Variants in ADGRL3 observed in about 807,000 individuals in gnomAD.
ADGRL3 encodes the protein calcium-independent alpha-latrotoxin receptor 3.
A neutral mutation model predicts 153.5 loss-of-function variants in ADGRL3; 62 were observed. The observed-to-expected ratio is 0.40, with a 90% CI of 0.33 to 0.50. The LOEUF (loss-of-function observed/expected upper bound fraction) is 0.50. Among genes scored for constraint, ADGRL3 ranks in the 20% least tolerant of loss-of-function variants. The probability of loss-of-function intolerance (pLI) is 0.47; values close to 1 mark genes in which losing one functional copy is unlikely to be tolerated. For missense variants in ADGRL3, 1,641 were observed against 1,859.4 expected (o/e 0.88, Z 2.16); for synonymous variants, 710 against 672.5 (o/e 1.06, Z -0.86).
At chr4:61,460,126 A>G (rs972048309) in intron 2 of ADGRL3, among the ~76,000 whole-genome samples, 3 of 151,916 alleles carry the variant, frequency 2.0e-5, no homozygotes, top group Non-Finnish European at 4.4e-5. Context: ...TGTATTTTTG[A>G]AGTCTTAGCC....
Position 61,587,233 on chromosome 4 carries a change from GC to G in ADGRL3, c.268del (p.Arg90ValfsTer20). 6.2e-7 allele frequency: 1 copy of G among 1,602,666 alleles called. No homozygotes were observed. The highest frequency in any genetic ancestry group is 8.5e-7 in the Non-Finnish European group (1 of 1,174,062). On this transcript the variant is annotated frameshift_variant, in exon 5 of 27. Coordinates refer to ENST00000683033, the MANE Select transcript of ADGRL3 (RefSeq NM_001387552.1). LOFTEE classifies it high-confidence loss of function. ...TTCCTCTTCCTTTTGGCAGCTTTCA[GC>G]CGTGCCCCAATTCCAATGGCTGTGG... Reference protein sequence around the residue: ...QGAQIAAQAFSRAPIPMAVVR... With the variant: ...QGAQIAAQAFXRAPIPMAVVR...
At chr4:61,488,621 G>A (rs535956470) in intron 2 of ADGRL3, among the ~76,000 whole-genome samples, 4 of 151,982 alleles carry the variant, frequency 2.6e-5, no homozygotes, top group East Asian at 3.9e-4. Flanking sequence ...TGTATCTTCC[G>A]TGCCCATCCT....
intron 5 of ADGRL3, among the ~76,000 whole-genome samples, chr4:61,594,031 G>A (rs1178095862): frequency 1.3e-5 from 2 of 151,980 alleles, no homozygotes; most frequent in South Asian, 4.2e-4. Flanking sequence ...TTTTCAAATA[G>A]ACTGCCTTCT....
intron 5 of ADGRL3, among the ~76,000 whole-genome samples, chr4:61,623,124 A>G (rs2092631599): frequency 6.6e-6 from 1 of 152,122 alleles, no homozygotes; most frequent in Non-Finnish European, 1.5e-5. Context: ...GCCTGGAATA[A>G]CACGTATACC....
intron 19 of ADGRL3, among the ~76,000 whole-genome samples, chr4:61,988,628 A>G (rs188589284): frequency 5.3e-5 from 8 of 152,302 alleles, no homozygotes; most frequent in Non-Finnish European, 1.0e-4. Context: ...TATTACCAAA[A>G]CATGCAAACT....
chr4:61,404,614 G>C (rs1458602276), intron 2 of ADGRL3, among the ~76,000 whole-genome samples: 1 of 151,998 alleles, frequency 6.6e-6, no homozygotes, highest in Non-Finnish European at 1.5e-5. Flanking sequence ...TGAGAAGTGA[G>C]AACACTCTTT....
At chr4:61,750,997 G>A (rs1322088978) in intron 8 of ADGRL3, among the ~76,000 whole-genome samples, 1 of 152,112 alleles carries the variant, frequency 6.6e-6, no homozygotes, top group Non-Finnish European at 1.5e-5. Flanking sequence ...TGAGCAGCAG[G>A]TGAGCGAGCA....
rs1469994311 is a variant in ADGRL3, at chr4:62,077,393, G to A, written c.*6485G>A. On this transcript the variant is annotated 3_prime_UTR_variant, in exon 27 of 27. Coordinates refer to ENST00000683033, the MANE Select transcript of ADGRL3 (RefSeq NM_001387552.1). ...GACTACAAAATTTCTTGCTACATTG[G>A]CAAGGAAATATGTTTAAAGCCGAGA... 1 of 151,866 alleles carries A rather than the reference G, an allele frequency of 6.6e-6. No individual in the cohort carries two copies. The highest frequency in any genetic ancestry group is 1.5e-5 in the Non-Finnish European group (1 of 67,860). 9.4% of individuals were successfully genotyped at this position (151,866 alleles called of 1,614,324 possible). A position where few individuals can be genotyped will look rare whatever the true frequency, so the allele number is the denominator to read the frequency against.
At chr4:61,970,165 T>C (rs749310748) in intron 17 of ADGRL3, among the ~76,000 whole-genome samples, 16 of 152,284 alleles carry the variant, frequency 1.1e-4, no homozygotes, top group Non-Finnish European at 2.1e-4. Flanking sequence ...CACAGTGTTT[T>C]ATAGAATTAA....
chr4:61,865,991 T>C (rs553299421), intron 9 of ADGRL3, among the ~76,000 whole-genome samples: 1 of 152,336 alleles, frequency 6.6e-6, no homozygotes, highest in South Asian at 2.1e-4. Flanking sequence ...AAATGAATGA[T>C]GCATGTTCTT....
chr4:61,615,272 T>G (rs2091866312), intron 5 of ADGRL3, among the ~76,000 whole-genome samples: 1 of 152,144 alleles, frequency 6.6e-6, no homozygotes, highest in South Asian at 2.1e-4. Flanking sequence ...CCCAGTGTTT[T>G]GCTGGGCTTT....
chr4:61,501,173 AATTTACCCACT>A (rs113259055), intron 3 of ADGRL3, among the ~76,000 whole-genome samples: 10 of 152,314 alleles, frequency 6.6e-5, no homozygotes, highest in African/African-American at 2.4e-4. Context: ...AAATATCATT[AATTTACCCACT>A]ACAAGCCAGA....
intron 5 of ADGRL3, among the ~76,000 whole-genome samples, chr4:61,604,781 C>T (rs2099025397): frequency 6.6e-6 from 1 of 152,020 alleles, no homozygotes; most frequent in African/African-American, 2.4e-5. Flanking sequence ...TCAAATGTTT[C>T]AGTCTGAATA....
intron 2 of ADGRL3, among the ~76,000 whole-genome samples, chr4:61,446,637 A>G (rs573881396): frequency 6.6e-6 from 1 of 152,146 alleles, no homozygotes; most frequent in Non-Finnish European, 1.5e-5. Flanking sequence ...TAAAGATAAT[A>G]TGTTGGTTGA....
intron 9 of ADGRL3, among the ~76,000 whole-genome samples, chr4:61,886,447 C>A (rs1483854547): frequency 6.6e-6 from 1 of 151,388 alleles, no homozygotes. Flanking sequence ...CTGTAGTCAG[C>A]CAAAAGATTG....
chr4:61,435,851 T>G (rs1170349263), intron 2 of ADGRL3, among the ~76,000 whole-genome samples: 1 of 150,546 alleles, frequency 6.6e-6, no homozygotes. Flanking sequence ...CGTAGTAAAG[T>G]TATCAATGGG....
At chr4:61,772,421 A>G (rs2097097258) in intron 8 of ADGRL3, among the ~76,000 whole-genome samples, 1 of 152,190 alleles carries the variant, frequency 6.6e-6, no homozygotes, top group African/African-American at 2.4e-5. Flanking sequence ...CTATCCATCT[A>G]CATTCTTGGC....
At chr4:61,728,045 G>T (rs1447931799) in intron 6 of ADGRL3, among the ~76,000 whole-genome samples, 1 of 152,020 alleles carries the variant, frequency 6.6e-6, no homozygotes, top group Middle Eastern at 3.2e-3. Flanking sequence ...GTAATGACTG[G>T]CCAATCCTTA....
At chr4:61,930,596 G>C (rs760177759) in intron 13 of ADGRL3, among the ~76,000 whole-genome samples, 20 of 152,018 alleles carry the variant, frequency 1.3e-4, no homozygotes, top group Non-Finnish European at 2.2e-4. Flanking sequence ...TATGCTATGA[G>C]TAATATTCGT....
Sources: allele counts gnomAD v4.1 joint callset (sites outside exome capture counted in the v4.1 genomes callset), GRCh38; gene constraint gnomAD v4.1.1; transcripts MANE v1.5; gene names NCBI Gene and HGNC (gene_info 2026-07-23, HGNC 2026-07-21).